The following RPS6KA5 variants were observed in gnomAD, a reference collection of about 807,000 sequenced individuals.
RPS6KA5 encodes the protein ribosomal protein S6 kinase alpha-5.
Under a neutral mutation model 85.5 loss-of-function variants are expected in RPS6KA5, and 27 were observed. The observed-to-expected ratio is 0.32, with a 90% CI of 0.23 to 0.44. The LOEUF (loss-of-function observed/expected upper bound fraction) is 0.44, where lower values mean the gene tolerates loss of function less well. Among genes scored for constraint, RPS6KA5 ranks in the 20% least tolerant of loss-of-function variants. The pLI is 1.00. For missense variants in RPS6KA5, 811 were observed against 980.9 expected (o/e 0.83, Z 2.31); for synonymous variants, 334 against 348.2 (o/e 0.96, Z 0.46).
chr14:90,963,122 T>C (rs1029570152), intron 3 of RPS6KA5, among the ~76,000 whole-genome samples: 8 of 152,196 alleles, frequency 5.3e-5, no homozygotes, highest in African/African-American at 1.9e-4. Flanking sequence ...GAATCCATGG[T>C]CTTTCTTTCT....
rs536038557 is a variant in RPS6KA5 at position 90,888,883 on chromosome 14, C to T, written c.1836+1604G>A. ...ATAAACAAAGTTTTAAAACAAGTGA[C>T]ACACCAGAAAAAACATTTCCAATAT... On this transcript the variant is annotated intron_variant, in intron 14 of 16. Transcript: ENST00000614987. 3.3e-5 allele frequency among the ~76,000 whole-genome samples: 5 copies of T among 152,254 alleles called. No individual in the cohort carries two copies. In the South Asian group the frequency reaches 1.0e-3, roughly 32 times the overall value.
chr14:90,969,944 T>G (rs185429735), intron 3 of RPS6KA5, among the ~76,000 whole-genome samples: 1 of 152,186 alleles, frequency 6.6e-6, no homozygotes, highest in East Asian at 1.9e-4. Context: ...ATGCTTCACT[T>G]CCATGAACTC....
Position 90,956,985 on chromosome 14 carries a change from T to A in RPS6KA5, c.395-9435A>T, listed in dbSNP as rs79111293. On this transcript the variant is annotated intron_variant, in intron 3 of 16. Coordinates refer to ENST00000614987, the MANE Select transcript of RPS6KA5 (RefSeq NM_004755.4). ...TTCTGTTTTTTTTTTTTTTTTTTTT[T>A]CCCAGTGAATTCGAGTTATAATCTG... Among the ~76,000 whole-genome samples, 14 of 108,488 alleles carry A rather than the reference T, an allele frequency of 1.3e-4. No homozygotes were observed. The East Asian group carries it at 2.6e-3, about 20-fold the overall frequency. 71.2% of individuals were successfully genotyped at this position (108,488 alleles called of 152,430 possible).
At chr14:91,010,290 T>C (rs548862101) in intron 1 of RPS6KA5, among the ~76,000 whole-genome samples, 3 of 152,248 alleles carry the variant, frequency 2.0e-5, no homozygotes, top group South Asian at 4.1e-4. Context: ...TTAAATAGGA[T>C]AGTGACCACA....
intron 2 of RPS6KA5, among the ~76,000 whole-genome samples, chr14:90,994,041 C>G (rs972887108): frequency 6.6e-6 from 1 of 152,048 alleles, no homozygotes; most frequent in African/African-American, 2.4e-5. Context: ...GTCATGCATG[C>G]ACCACCATGC....
intron 1 of RPS6KA5, among the ~76,000 whole-genome samples, chr14:91,056,937 T>C (rs1052914967): frequency 1.2e-4 from 15 of 124,288 alleles, no homozygotes; most frequent in Middle Eastern, 0.012. Flanking sequence ...TGGCGTGCAA[T>C]GGCATGATCT....
At chr14:90,879,167 T>A (rs2140154620) in intron 14 of RPS6KA5, among the ~76,000 whole-genome samples, 1 of 152,338 alleles carries the variant, frequency 6.6e-6, no homozygotes, top group South Asian at 2.1e-4. Flanking sequence ...GATGCCTTGA[T>A]TCACCAAGTC....
chr14:91,014,641 G>A (rs2041405679), intron 1 of RPS6KA5, among the ~76,000 whole-genome samples: 1 of 151,772 alleles, frequency 6.6e-6, no homozygotes, highest in South Asian at 2.1e-4. Flanking sequence ...TTACTTATTA[G>A]AAAAACTGCT....
chr14:90,957,042 G>A (rs1172376920), intron 3 of RPS6KA5, among the ~76,000 whole-genome samples: 2 of 145,388 alleles, frequency 1.4e-5, no homozygotes, highest in Non-Finnish European at 1.5e-5. Context: ...CCCCAACCCT[G>A]GTGTTTTGTT....
At chr14:90,896,441 CCT>C (rs1179045900) in intron 12 of RPS6KA5, among the ~76,000 whole-genome samples, 1 of 152,142 alleles carries the variant, frequency 6.6e-6, no homozygotes, top group Admixed American at 6.5e-5. Flanking sequence ...TTGTTCATGT[CCT>C]AATGCCCAGA....
At chr14:90,938,484 C>T (rs1175643811) in intron 5 of RPS6KA5, among the ~76,000 whole-genome samples, 14 of 152,234 alleles carry the variant, frequency 9.2e-5, no homozygotes, top group Admixed American at 6.5e-5. Flanking sequence ...GGGGATCCGA[C>T]GTCACATTTC....
intron 1 of RPS6KA5, among the ~76,000 whole-genome samples, chr14:91,033,446 C>CA (rs1280148623): frequency 3.3e-5 from 5 of 151,194 alleles, no homozygotes; most frequent in Non-Finnish European, 4.4e-5. Flanking sequence ...ACTAAAAATA[C>CA]AAAAAATTAG....
At chr14:90,882,554 C>A (rs1286257) in intron 14 of RPS6KA5, among the ~76,000 whole-genome samples, 2,812 of 152,208 alleles carry the variant, frequency 0.018, 99 homozygotes, top group African/African-American at 0.064. Flanking sequence ...TCTTACAGAG[C>A]GGCGTTAGTG....
rs1007826871 is a variant in RPS6KA5 at position 90,857,448 on chromosome 14, G to A, written c.*14626C>T. 7 of 152,268 alleles carry A rather than the reference G, an allele frequency of 4.6e-5. 1 individual carries two copies. Among genetic ancestry groups the A allele is most frequent in the South Asian group, 4.1e-4 (2 of 4,832 alleles). 9.4% of individuals were successfully genotyped at this position (152,268 alleles called of 1,614,324 possible). A position where few individuals can be genotyped will look rare whatever the true frequency, so the allele number is the denominator to read the frequency against. On this transcript the variant is annotated 3_prime_UTR_variant, in exon 17 of 17. Coordinates refer to ENST00000614987, the MANE Select transcript of RPS6KA5 (RefSeq NM_004755.4). ...ATGATTCTTCATCAGATTTCATGTC[G>A]ATATTCATAAAGAGACATAATTTCA...
intron 2 of RPS6KA5, among the ~76,000 whole-genome samples, chr14:90,988,478 C>G (rs925691823): frequency 2.0e-5 from 3 of 152,216 alleles, no homozygotes; most frequent in African/African-American, 7.2e-5. Flanking sequence ...ACCTATACTA[C>G]ACTAAGATGG....
At chr14:90,934,501 A>C (rs2037160605) in intron 5 of RPS6KA5, among the ~76,000 whole-genome samples, 1 of 152,202 alleles carries the variant, frequency 6.6e-6, no homozygotes. Context: ...GATAAAAATA[A>C]ACTGTGACTG....
intron 12 of RPS6KA5, among the ~76,000 whole-genome samples, chr14:90,896,179 A>G (rs1479260350): frequency 1.3e-5 from 2 of 152,346 alleles, no homozygotes; most frequent in African/African-American, 4.8e-5. Flanking sequence ...GAGTTTCTAC[A>G]TCAGATAAAG....
chr14:90,886,966 T>G (rs769083700), intron 14 of RPS6KA5, among the ~76,000 whole-genome samples: 68 of 152,228 alleles, frequency 4.5e-4, no homozygotes, highest in Non-Finnish European at 5.6e-4. Flanking sequence ...ACATGTTTAT[T>G]AGATGTAAAA....
chr14:90,920,821 T>C (rs2036367012), intron 6 of RPS6KA5, among the ~76,000 whole-genome samples: 1 of 152,014 alleles, frequency 6.6e-6, no homozygotes, highest in Non-Finnish European at 1.5e-5. Context: ...ATAAAATGTG[T>C]TCTAATTTGG....
Sources: gnomAD v4.1 joint callset for allele counts (sites outside exome capture counted in the v4.1 genomes callset) on GRCh38, gnomAD v4.1.1 for gene constraint, MANE v1.5 for transcripts, NCBI Gene and HGNC (gene_info 2026-07-23, HGNC 2026-07-21) for gene names.